The following MTOR variants were observed in gnomAD, a reference collection of about 807,000 sequenced individuals.
The protein encoded by MTOR is mechanistic target of rapamycin kinase, also known as serine/threonine-protein kinase mTOR.
A neutral mutation model predicts 319.8 loss-of-function variants in MTOR; 70 were observed. That is an observed-to-expected ratio of 0.22 (90% confidence interval 0.18 to 0.27). The LOEUF (loss-of-function observed/expected upper bound fraction) is 0.27. Among genes scored for constraint, MTOR ranks in the 10% least tolerant of loss-of-function variants. MTOR has a pLI of 1.00. For synonymous variants in MTOR, 1,183 were observed against 1,211.4 expected (o/e 0.98, Z 0.49); for missense variants, 1,890 against 3,274.4 (o/e 0.58, Z 10.32).
intron 13 of MTOR, among the ~76,000 whole-genome samples, chr1:11,236,830 C>A (rs191845201): frequency 6.6e-6 from 1 of 152,210 alleles, no homozygotes; most frequent in African/African-American, 2.4e-5. Context: ...GATTTCTATT[C>A]CTTCCTATAA....
rs1553172104 is a variant in MTOR at position 11,119,573 on chromosome 1, G to GGAA, written c.6933+1672_6933+1673insTTC. Among the ~76,000 whole-genome samples the GGAA allele has an allele frequency of 1.0e-3, 25 of 24,874 alleles. No homozygotes were observed. The South Asian group carries it at 0.016, about 16-fold the overall frequency. The allele number at this position is 24,874 out of a possible 152,430, so 16.3% of individuals were successfully genotyped here. On this transcript the variant is annotated intron_variant, in intron 49 of 57. Transcript: ENST00000361445. ...GTGACAGACTGAGATTCCGTCTCGAGAAAAAAAAAAAAAAAAAAAAAAAAA... is the reference window on the plus strand; with the variant it reads ...GTGACAGACTGAGATTCCGTCTCGAGGAAAAAAAAAAAAAAAAAAAAAAAAAAA...
intron 6 of MTOR, among the ~76,000 whole-genome samples, chr1:11,253,429 T>A (rs955427272): frequency 5.3e-5 from 8 of 152,214 alleles, no homozygotes; most frequent in African/African-American, 1.4e-4. Context: ...CGTGGGCCTA[T>A]TAATTTGGCC....
chr1:11,240,800 C>T (rs940143148), intron 10 of MTOR, among the ~76,000 whole-genome samples: 1 of 152,158 alleles, frequency 6.6e-6, no homozygotes, highest in African/African-American at 2.4e-5. Flanking sequence ...GACCAAGTCT[C>T]AACAAACACT....
chr1:11,254,095 A>C, intron 5 of MTOR, 122 bp from the exon 6 acceptor site: 1 of 1,115,886 alleles, frequency 9.0e-7, no homozygotes, highest in Non-Finnish European at 1.3e-6. Flanking sequence ...GCCTAGTGCC[A>C]GTCATCAACA....
At chr1:11,255,722 G>A (rs1650304558) in intron 5 of MTOR, among the ~76,000 whole-genome samples, 1 of 152,010 alleles carries the variant, frequency 6.6e-6, no homozygotes, top group Non-Finnish European at 1.5e-5. Flanking sequence ...GCACACGCCT[G>A]TAGTCCTAGC....
chr1:11,168,021 G>A (rs538455398), intron 28 of MTOR, among the ~76,000 whole-genome samples: 2 of 151,368 alleles, frequency 1.3e-5, no homozygotes, highest in Non-Finnish European at 2.9e-5. Flanking sequence ...AGTGAGCCGA[G>A]ACCGTGCCAC....
rs1437456647 is a variant in MTOR at position 11,121,517 on chromosome 1, G to A, written c.6811-149C>T. On this transcript the variant is annotated intron_variant, in intron 48 of 57. Transcript: ENST00000361445. This position sits in a 1 kb window ranked among gnomAD's most constrained non-coding sequence, Gnocchi z 4.9. ...GAAGGGAAATAAGAACATGGCAAAA[G>A]GAGAAACGAAGTGACCACTCTAACC... 8.6e-7 allele frequency: 1 copy of A among 1,156,836 alleles called. No individual in the cohort carries two copies. Among genetic ancestry groups the A allele is most frequent in the Non-Finnish European group, 1.2e-6 (1 of 831,550 alleles). 71.7% of individuals were successfully genotyped at this position (1,156,836 alleles called of 1,614,324 possible).
In MTOR at chr1:11,199,080, C is replaced by G. The variant is rs1162746167; in HGVS notation, c.4253+178G>C. On this transcript the variant is annotated intron_variant, in intron 28 of 57. Coordinates refer to ENST00000361445, the MANE Select transcript of MTOR (RefSeq NM_004958.4). The surrounding 1 kb of genome is among the most constrained non-coding windows in gnomAD (Gnocchi z 4.5). Reference sequence around the variant, plus strand: ...GGGTCAACAGAAATGACAATCATGGCTAGATTCCTGGGGAGAGCCATCTGC... The same window carrying G: ...GGGTCAACAGAAATGACAATCATGGGTAGATTCCTGGGGAGAGCCATCTGC... Among the ~76,000 whole-genome samples, 3 of 152,188 alleles carry G rather than the reference C, an allele frequency of 2.0e-5. No individual in the cohort carries two copies. The highest frequency in any genetic ancestry group is 4.8e-5 in the African/African-American group (2 of 41,430).
intron 28 of MTOR, chr1:11,194,471 G>T: frequency 6.2e-7 from 1 of 1,613,924 alleles, no homozygotes; most frequent in East Asian, 2.2e-5. Flanking sequence ...GACTGGGAGG[G>T]CAACCTGCGC....
intron 1 of MTOR, among the ~76,000 whole-genome samples, chr1:11,260,314 G>A (rs1650951043): frequency 1.3e-5 from 2 of 152,116 alleles, no homozygotes; most frequent in African/African-American, 4.8e-5. Context: ...AGCCCAAGGT[G>A]GGCAGATCAC....
intron 34 of MTOR, among the ~76,000 whole-genome samples, chr1:11,143,474 T>C (rs757974471): frequency 6.6e-6 from 1 of 152,222 alleles, no homozygotes; most frequent in Non-Finnish European, 1.5e-5. Flanking sequence ...TGTGGAATTC[T>C]TTCTGGTGCC....
intron 20 of MTOR, among the ~76,000 whole-genome samples, chr1:11,214,945 T>C (rs767769775): frequency 1.3e-4 from 20 of 152,154 alleles, no homozygotes; most frequent in Admixed American, 5.2e-4. Flanking sequence ...CCAAGGGATG[T>C]CAGCTGGATC....
chr1:11,178,439 G>A (rs1261824079), intron 28 of MTOR, among the ~76,000 whole-genome samples: 1 of 152,228 alleles, frequency 6.6e-6, no homozygotes, highest in Non-Finnish European at 1.5e-5. Context: ...ATGAATGGCT[G>A]TCACATTTCC....
At chr1:11,132,978 C>G (rs1487540227) in intron 38 of MTOR, 102 bp downstream of exon 38, 3 of 972,858 alleles carry the variant, frequency 3.1e-6, no homozygotes, top group Non-Finnish European at 4.8e-6. Flanking sequence ...AAGTTCACAG[C>G]ATCAGCCTAG....
intron 15 of MTOR, among the ~76,000 whole-genome samples, chr1:11,232,810 G>A (rs1478338587): frequency 1.3e-5 from 2 of 150,946 alleles, no homozygotes; most frequent in Non-Finnish European, 3.0e-5. Flanking sequence ...AGGAGATGGA[G>A]GTTGCAGTGA....
rs67810028 is a variant in MTOR at position 11,206,194 on chromosome 1, C to G, written c.3802-1491G>C. Among the ~76,000 whole-genome samples, 788 of 152,340 alleles carry G rather than the reference C, an allele frequency of 5.2e-3. 3 individuals carry two copies. The highest frequency in any genetic ancestry group is 9.0e-3 in the Non-Finnish European group (614 of 68,034). ...CCAGTCCTTTCCTGCCCACAGATAC[C>G]TGGTTTCTTCCCTACAAGATGGGTT... On this transcript the variant is annotated intron_variant, in intron 25 of 57. Coordinates refer to ENST00000361445, the MANE Select transcript of MTOR (RefSeq NM_004958.4).
At chr1:11,139,721 T>C in intron 34 of MTOR, 63 bp from the exon 35 acceptor site, 1 of 1,599,104 alleles carries the variant, frequency 6.3e-7, no homozygotes, top group Non-Finnish European at 8.5e-7. Flanking sequence ...TGGCAGAGTC[T>C]TGCTCTGTCG....
chr1:11,109,607 A>G lies in MTOR; in HGVS notation c.7447+42T>C. On this transcript the variant is annotated intron_variant, in intron 55 of 57. Coordinates refer to ENST00000361445, the MANE Select transcript of MTOR (RefSeq NM_004958.4). This position sits in a 1 kb window ranked among gnomAD's most constrained non-coding sequence, Gnocchi z 4.0. ...GTATAACACAGCTGCTATTTTCTTA[A>G]TGAGCTAGTCACTGGTGCGGTTCCT... The G allele has an allele frequency of 6.3e-7, 1 of 1,578,920 alleles. No homozygotes were observed. Among genetic ancestry groups the G allele is most frequent in the Non-Finnish European group, 8.7e-7 (1 of 1,148,010 alleles).
chr1:11,180,815 T>G (rs538651728), intron 28 of MTOR, among the ~76,000 whole-genome samples: 6 of 151,430 alleles, frequency 4.0e-5, no homozygotes, highest in Admixed American at 4.0e-4. Flanking sequence ...TCTTGCTCTG[T>G]CGCCAGGCTG....
Sources: allele counts gnomAD v4.1 joint callset (sites outside exome capture counted in the v4.1 genomes callset), GRCh38; gene constraint gnomAD v4.1.1; non-coding constraint Gnocchi (gnomAD v3.1); transcripts MANE v1.5; gene names NCBI Gene and HGNC (gene_info 2026-07-23, HGNC 2026-07-21).